The following DMTN variants were observed in gnomAD, a reference collection of about 807,000 sequenced individuals.
The protein encoded by DMTN is dematin.
In DMTN, 27 loss-of-function variants were observed where a neutral mutation model predicts 59.4. The ratio of observed to expected loss-of-function variants is 0.45; its 90% CI spans 0.33 to 0.63. DMTN has a LOEUF of 0.63. Ranked by LOEUF, DMTN falls within the 20% of genes least tolerant of loss-of-function variation. The pLI is 0.02. For missense variants in DMTN, 451 were observed against 528.9 expected (o/e 0.85, Z 1.45); for synonymous variants, 221 against 203.7 (o/e 1.08, Z -0.72).
chr8:22,067,271 G>A (rs1193093992), intron 3 of DMTN, 112 bp downstream of exon 3: 3 of 1,255,948 alleles, frequency 2.4e-6, no homozygotes, highest in East Asian at 5.1e-5. Context: ...GGTCCCTCCG[G>A]TGCTGGCGGG....
chr8:22,070,128 G>C, intron 7 of DMTN, 54 bp from the exon 8 acceptor site: 2 of 1,556,502 alleles, frequency 1.3e-6, no homozygotes, highest in Non-Finnish European at 1.7e-6. Context: ...GGTGAAGGTA[G>C]CCAAGTTGGC....
intron 5 of DMTN, 94 bp downstream of exon 5, chr8:22,069,154 C>A: frequency 7.1e-7 from 1 of 1,417,686 alleles, no homozygotes; most frequent in Non-Finnish European, 9.7e-7. Context: ...TCTGCAGAGC[C>A]CAGGGAGTGC....
At position 22,070,273 on chromosome 8, in the gene DMTN, C is replaced by A; in HGVS notation, c.543C>A (p.Pro181=). The A allele has an allele frequency of 6.2e-7, 1 of 1,613,728 alleles. No individual in the cohort carries two copies. The highest frequency in any genetic ancestry group is 1.1e-5 in the South Asian group (1 of 91,024). Residue 181 remains proline (P), a synonymous_variant, in exon 8 of 16, where the codon CCC becomes CCA. Coordinates refer to ENST00000358242, the MANE Select transcript of DMTN (RefSeq NM_001387751.1). The stretch of plus-strand genomic sequence containing the variant: ...TTCCTGCAGCCCAGCCCCCAGACCC[C>A]AACCAGCCAGCCAAAATCGAAACCG... ...SKFPAAQPPD[P]NQPAKIETDY...
rs990167023 is a variant in DMTN, at chr8:22,056,897, A to G, written c.-411A>G. The G allele has an allele frequency of 2.7e-5, 4 of 146,898 alleles. No individual in the cohort carries two copies. Among genetic ancestry groups the G allele is most frequent in the African/African-American group, 1.0e-4 (4 of 39,818 alleles). The allele number at this position is 146,898 out of a possible 1,614,324, so 9.1% of individuals were successfully genotyped here. A position where few individuals can be genotyped will look rare whatever the true frequency, so the allele number is the denominator to read the frequency against. On this transcript the variant is annotated 5_prime_UTR_variant, in exon 1 of 16. Transcript: ENST00000358242. ...GTGGGGGCAAGGAGGGTGGGGGCCC[A>G]GAGGGGAGATCAGACCGCTCAGCCG...
chr8:22,070,420 A>C, intron 8 of DMTN, 86 bp downstream of exon 8: 1 of 1,456,130 alleles, frequency 6.9e-7, no homozygotes, highest in South Asian at 1.5e-5. Context: ...CCGTGAACCC[A>C]CTCCCACCCC....
upstream of DMTN, among the ~76,000 whole-genome samples, chr8:22,051,904 G>A (rs552242800): frequency 1.3e-4 from 20 of 152,220 alleles, 1 homozygote; most frequent in Non-Finnish European, 2.8e-4. Context: ...ACTCCTTAGC[G>A]TCATCTTTAA....
chr8:22,056,062 A>G (rs532563297), upstream of DMTN, among the ~76,000 whole-genome samples: 2 of 152,204 alleles, frequency 1.3e-5, no homozygotes, highest in Non-Finnish European at 1.5e-5. Context: ...CGAAAGGCCA[A>G]TGAGAGGCTC....
intron 8 of DMTN, among the ~76,000 whole-genome samples, chr8:22,071,082 TTTTATTTA>T (rs10579808): frequency 7.8e-4 from 54 of 68,950 alleles, no homozygotes; most frequent in African/African-American, 1.5e-3. Flanking sequence ...TGTATTTTTA[TTTTATTTA>T]TTTATTTATT....
chr8:22,065,035 C>T (rs1009755412), intron 1 of DMTN, among the ~76,000 whole-genome samples: 56 of 152,250 alleles, frequency 3.7e-4, no homozygotes, highest in African/African-American at 1.3e-3. Context: ...GTACCTAGCA[C>T]ATAATGAGCA....
chr8:22,054,861 C>T (rs532785986), upstream of DMTN: 21 of 152,778 alleles, frequency 1.4e-4, no homozygotes, highest in East Asian at 1.9e-3. Flanking sequence ...CTCCTCCCCC[C>T]CTCCCTGCTG....
At chr8:22,063,561 G>A (rs1808199040) in intron 1 of DMTN, among the ~76,000 whole-genome samples, 1 of 152,080 alleles carries the variant, frequency 6.6e-6, no homozygotes, top group African/African-American at 2.4e-5. Context: ...TCAACCTCCT[G>A]TCCCAAATGC....
At chr8:22,071,729 G>A (rs4279597) in intron 8 of DMTN, among the ~76,000 whole-genome samples, 110,706 of 151,592 alleles carry the variant, frequency 0.73, 42,099 homozygotes, top group East Asian at 0.97. Flanking sequence ...ACAGGCGCCC[G>A]CCACCACGCC....
chr8:22,061,300 G>A (rs61490520), intron 1 of DMTN, among the ~76,000 whole-genome samples: 7,387 of 137,884 alleles, frequency 0.054, 450 homozygotes, highest in African/African-American at 0.16. Context: ...AAAAAAAAAA[G>A]AAAGAAAGAA....
Position 22,069,042 on chromosome 8 carries a change from C to A in DMTN, c.276C>A (p.Ser92=). 2 of 1,612,636 alleles carry A rather than the reference C, an allele frequency of 1.2e-6. No homozygotes were observed. The highest frequency in any genetic ancestry group is 8.5e-7 in the Non-Finnish European group (1 of 1,179,208). Reference sequence around the variant, plus strand: ...GCTCGCTGTCACCCAAATCCACATCCCCCCCACCATCCCCAGAGGTGAGTC... The same window carrying A: ...GCTCGCTGTCACCCAAATCCACATCACCCCCACCATCCCCAGAGGTGAGTC... ...RERSLSPKST[S]PPPSPEVWAD... Residue 92 remains serine (S), a synonymous_variant, in exon 5 of 16, where the codon TCC becomes TCA. Coordinates refer to ENST00000358242, the MANE Select transcript of DMTN (RefSeq NM_001387751.1).
chr8:22,061,506 G>C (rs959144890), intron 1 of DMTN, among the ~76,000 whole-genome samples: 1 of 152,002 alleles, frequency 6.6e-6, no homozygotes, highest in Non-Finnish European at 1.5e-5. Context: ...GGCTTACCCT[G>C]GGCCACTCAC....
intron 10 of DMTN, among the ~76,000 whole-genome samples, chr8:22,074,172 A>G (rs2131287755): frequency 6.6e-6 from 1 of 152,308 alleles, no homozygotes; most frequent in East Asian, 1.9e-4. Context: ...ATTTCGATGC[A>G]GTGTGGCCGG....
At chr8:22,076,283 G>T (rs1219472181) in intron 10 of DMTN, among the ~76,000 whole-genome samples, 2 of 151,948 alleles carry the variant, frequency 1.3e-5, no homozygotes, top group African/African-American at 2.4e-5. Flanking sequence ...AAGTAAGATT[G>T]TACAGAGAGA....
intron 10 of DMTN, among the ~76,000 whole-genome samples, chr8:22,074,269 G>GTTGTTTGT (rs112430649): frequency 2.3e-4 from 35 of 151,174 alleles, no homozygotes; most frequent in Admixed American, 4.0e-4. Context: ...GTGGTTGTTT[G>GTTGTTTGT]TTGTTTGTTT....
intron 13 of DMTN, 60 bp from the exon 14 acceptor site, chr8:22,080,745 G>T: frequency 6.3e-7 from 1 of 1,590,308 alleles, no homozygotes; most frequent in Non-Finnish European, 8.6e-7. Context: ...AAGAAGCCGG[G>T]GTAAGGCTGG....
Sources: allele counts gnomAD v4.1 joint callset (sites outside exome capture counted in the v4.1 genomes callset), GRCh38; gene constraint gnomAD v4.1.1; transcripts MANE v1.5; gene names NCBI Gene and HGNC (gene_info 2026-07-23, HGNC 2026-07-21).